Variants in ATP2C2 observed in about 807,000 individuals in gnomAD.
The protein encoded by ATP2C2 is ATPase secretory pathway Ca2+ transporting 2, also known as calcium-transporting ATPase type 2C member 2.
A neutral mutation model predicts 110.8 loss-of-function variants in ATP2C2; 171 were observed. The ratio of observed to expected loss-of-function variants is 1.54; its 90% CI spans 1.36 to 1.75. The LOEUF is 1.75. Ranked by LOEUF, ATP2C2 falls within the 40% of genes most tolerant of loss-of-function variation. The pLI is 0.00. For synonymous variants in ATP2C2, 804 were observed against 508.4 expected (o/e 1.58, Z -7.82); for missense variants, 1,963 against 1,235.0 (o/e 1.59, Z -8.84).
chr16:84,453,650 G>A (rs559551450), intron 20 of ATP2C2, among the ~76,000 whole-genome samples: 1 of 152,304 alleles, frequency 6.6e-6, no homozygotes, highest in Admixed American at 6.5e-5. Flanking sequence ...ACAGTCACGG[G>A]CCCAGGTTTA....
intron 7 of ATP2C2, among the ~76,000 whole-genome samples, chr16:84,420,010 T>G (rs1907185550): frequency 6.6e-6 from 1 of 152,180 alleles, no homozygotes; most frequent in Admixed American, 6.5e-5. Flanking sequence ...TGTCTCATGC[T>G]GACCAAAAAG....
intron 16 of ATP2C2, 120 bp from the exon 17 acceptor site, chr16:84,448,409 GATAA>G: frequency 2.4e-6 from 3 of 1,241,222 alleles, no homozygotes; most frequent in Non-Finnish European, 3.3e-6. Context: ...ACCAGCCTAT[GATAA>G]ATAACTCCGC....
intron 17 of ATP2C2, among the ~76,000 whole-genome samples, chr16:84,449,314 G>A (rs554571285): frequency 2.0e-5 from 3 of 152,362 alleles, no homozygotes; most frequent in South Asian, 2.1e-4. Context: ...AGAGGTGTAC[G>A]GGGCGAGACC....
intron 18 of ATP2C2, among the ~76,000 whole-genome samples, chr16:84,452,593 G>T (rs959447980): frequency 6.6e-6 from 1 of 150,554 alleles, no homozygotes; most frequent in Non-Finnish European, 1.5e-5. Context: ...CCACCTCCTG[G>T]GTTCAAGCAA....
At chr16:84,392,265 C>G (rs558556000) in intron 1 of ATP2C2, among the ~76,000 whole-genome samples, 1 of 152,202 alleles carries the variant, frequency 6.6e-6, no homozygotes, top group Admixed American at 6.5e-5. Flanking sequence ...GAGAAGAACT[C>G]TTTAAAATAT....
intron 11 of ATP2C2, among the ~76,000 whole-genome samples, chr16:84,431,513 G>C (rs1202923316): frequency 3.3e-5 from 5 of 152,012 alleles, no homozygotes; most frequent in Non-Finnish European, 1.5e-5. Context: ...AAAAAAGGGA[G>C]GTAGAAGGGG....
At chr16:84,407,569 C>T (rs1475132342) in intron 3 of ATP2C2, 1 of 152,130 alleles carries the variant, frequency 6.6e-6, no homozygotes, top group Non-Finnish European at 1.5e-5. Flanking sequence ...TTCCCAGGCC[C>T]CAGTGATCCT....
Position 84,463,563 on chromosome 16 carries a change from G to T in ATP2C2, c.2723-51G>T, listed in dbSNP as rs891258. ...GGCAGGGAAGGCGCTTCCTGCCGGC[G>T]CAACAGAGCTGCAGCCCGTCCTGAA... On this transcript the variant is annotated intron_variant, in intron 26 of 26. Coordinates refer to ENST00000262429, the MANE Select transcript of ATP2C2 (RefSeq NM_014861.4). 1.5e-5 allele frequency: 22 copies of T among 1,510,428 alleles called. No homozygotes were observed. In the African/African-American group the frequency reaches 2.8e-4, roughly 19 times the overall value. The allele number at this position is 1,510,428 out of a possible 1,614,324, so 93.6% of individuals were successfully genotyped here.
chr16:84,436,245 A>G (rs1908725428), intron 11 of ATP2C2, among the ~76,000 whole-genome samples: 1 of 152,246 alleles, frequency 6.6e-6, no homozygotes, highest in South Asian at 2.1e-4. Flanking sequence ...CATGAAAAAG[A>G]TACTGGATTT....
intron 4 of ATP2C2, among the ~76,000 whole-genome samples, chr16:84,409,452 G>T (rs150920049): frequency 5.0e-4 from 76 of 150,646 alleles, no homozygotes; most frequent in African/African-American, 1.7e-3. Flanking sequence ...AGTATAACAA[G>T]AAAAAAAAAT....
intron 3 of ATP2C2, among the ~76,000 whole-genome samples, chr16:84,405,706 GC>G (rs1905704846): frequency 6.7e-6 from 1 of 148,422 alleles, no homozygotes; most frequent in Non-Finnish European, 1.5e-5. Flanking sequence ...GATCACTTGA[GC>G]CCAGGAGTTC....
chr16:84,444,306 C>G (rs567362292), intron 15 of ATP2C2, among the ~76,000 whole-genome samples: 2 of 151,524 alleles, frequency 1.3e-5, no homozygotes, highest in East Asian at 3.9e-4. Context: ...AACCTCATCT[C>G]TACTAAAAAT....
intron 11 of ATP2C2, among the ~76,000 whole-genome samples, chr16:84,426,968 C>T (rs903141960): frequency 6.6e-6 from 1 of 152,154 alleles, no homozygotes; most frequent in South Asian, 2.1e-4. Flanking sequence ...GTCAGTAGTT[C>T]TTCTGTGGCT....
intron 2 of ATP2C2, among the ~76,000 whole-genome samples, chr16:84,400,244 C>T (rs989409561): frequency 1.3e-5 from 2 of 151,910 alleles, no homozygotes; most frequent in African/African-American, 4.8e-5. Context: ...GCAGATATCT[C>T]TTCAATATTC....
Position 84,410,550 on chromosome 16 carries a change from C to T in ATP2C2, c.418-18C>T. The T allele has an allele frequency of 1.2e-6, 2 of 1,613,582 alleles. No homozygotes were observed. The highest frequency in any genetic ancestry group is 1.7e-6 in the Non-Finnish European group (2 of 1,179,766). On this transcript the variant is annotated intron_variant, in intron 4 of 26. Coordinates refer to ENST00000262429, the MANE Select transcript of ATP2C2 (RefSeq NM_014861.4). ...ACTGAGCCTCTGGTACTGACACCCT[C>T]CTCCGTTTGCTGTCTAGGCAGTGCT...
At chr16:84,400,981 T>C (rs995998091) in intron 2 of ATP2C2, among the ~76,000 whole-genome samples, 1 of 152,206 alleles carries the variant, frequency 6.6e-6, no homozygotes, top group African/African-American at 2.4e-5. Flanking sequence ...CCGTGTCAGA[T>C]GGGTAGTTTG....
chr16:84,431,879 G>C (rs62050873), intron 11 of ATP2C2, among the ~76,000 whole-genome samples: 2,775 of 152,238 alleles, frequency 0.018, 92 homozygotes, highest in African/African-American at 0.063. Flanking sequence ...GGGAGCCCCA[G>C]CTTATTACAG....
intron 20 of ATP2C2, among the ~76,000 whole-genome samples, chr16:84,454,034 T>G (rs1024879327): frequency 8.5e-5 from 13 of 152,120 alleles, no homozygotes; most frequent in African/African-American, 2.4e-4. Context: ...AGAGGCAGGG[T>G]TTCGCCATGT....
In ATP2C2 at chr16:84,459,264, C is replaced by T. The variant is rs1184165368; in HGVS notation, c.2217-6C>T. 6.2e-7 allele frequency: 1 copy of T among 1,614,168 alleles called. No homozygotes were observed. Among genetic ancestry groups the T allele is most frequent in the Non-Finnish European group, 8.5e-7 (1 of 1,179,988 alleles). ...CGGCCGCTGACTGGCTGCGTGTGCC[C>T]CGCAGGAGCATCTCCGCCCTGAGTC... On this transcript the variant is annotated splice_polypyrimidine_tract_variant and splice_region_variant and intron_variant, in intron 22 of 26. Coordinates refer to ENST00000262429, the MANE Select transcript of ATP2C2 (RefSeq NM_014861.4).
Sources: allele counts gnomAD v4.1 joint callset (sites outside exome capture counted in the v4.1 genomes callset), GRCh38; gene constraint gnomAD v4.1.1; transcripts MANE v1.5; gene names NCBI Gene and HGNC (gene_info 2026-07-23, HGNC 2026-07-21).